The following TNR variants were observed in gnomAD, a reference collection of about 807,000 sequenced individuals.
TNR encodes the protein tenascin R.
A neutral mutation model predicts 150.4 loss-of-function variants in TNR; 45 were observed. The observed-to-expected ratio is 0.30, with a 90% confidence interval of 0.24 to 0.38. TNR has a LOEUF of 0.38. Ranked by LOEUF, TNR falls within the 10% of genes least tolerant of loss-of-function variation. The probability of loss-of-function intolerance (pLI) is 1.00; values close to 1 mark genes in which losing one functional copy is unlikely to be tolerated. For missense variants in TNR, 1,544 were observed against 1,759.1 expected, an observed-to-expected ratio of 0.88 and a Z score of 2.19; for synonymous variants, 687 against 678.4, an observed-to-expected ratio of 1.01 and a Z score of -0.20.
Position 175,426,114 on chromosome 1 carries a change from G to C in TNR, c.-63-19337C>G, listed in dbSNP as rs914693920. Among the ~76,000 whole-genome samples, 16 of 152,304 alleles carry C rather than the reference G, an allele frequency of 1.1e-4. No homozygotes were observed. In the Middle Eastern group the frequency reaches 0.01, roughly 97 times the overall value. On this transcript the variant is annotated intron_variant, in intron 2 of 22. Transcript: ENST00000367674. Reference sequence around the variant, plus strand: ...GGTCAGGGAGACTCAGCCTCCAAGAGAGCGCAGCGTCTGTATTCTTCTAAT... The same window carrying C: ...GGTCAGGGAGACTCAGCCTCCAAGACAGCGCAGCGTCTGTATTCTTCTAAT...
At chr1:175,465,904 G>T (rs564625210) in intron 2 of TNR, among the ~76,000 whole-genome samples, 2 of 152,356 alleles carry the variant, frequency 1.3e-5, no homozygotes, top group South Asian at 4.1e-4. Context: ...TCCCACAGTG[G>T]TGTGGAGTAG....
In TNR at chr1:175,631,446, G is replaced by T. The variant is rs183486252; in HGVS notation, c.-164-103077C>A. Among the ~76,000 whole-genome samples the T allele has an allele frequency of 2.8e-4, 43 of 152,266 alleles. No homozygotes were observed. The East Asian group carries it at 4.6e-3, about 16-fold the overall frequency. On this transcript the variant is annotated intron_variant, in intron 1 of 22. Transcript: ENST00000367674. ...TTTGAATGCAGTCCAACCCAAATTT[G>T]TAAACTTTCTTGAAACATTATGAGA...
rs1553203472 is a variant in TNR at position 175,331,078 on chromosome 1, C to CTTCTCTTTCTTTCT, written c.3632-844_3632-843insAGAAAGAAAGAGAA. On this transcript the variant is annotated intron_variant, in intron 20 of 22. Coordinates refer to ENST00000367674, the MANE Select transcript of TNR (RefSeq NM_003285.3). The stretch of plus-strand genomic sequence containing the variant: ...CTTTCTTTCTTTCTTTCTTTCTTTC[C>CTTCTCTTTCTTTCT]TTCTTTCTTTCTTTCTTTCTTTCTC... Among the ~76,000 whole-genome samples, 20 of 59,948 alleles carry CTTCTCTTTCTTTCT rather than the reference C, an allele frequency of 3.3e-4. 1 individual carries two copies. In the East Asian group the frequency reaches 7.0e-3, roughly 21 times the overall value. 39.3% of individuals were successfully genotyped at this position (59,948 alleles called of 152,430 possible).
intron 2 of TNR, among the ~76,000 whole-genome samples, chr1:175,421,232 T>G (rs1299707369): frequency 6.6e-6 from 1 of 152,182 alleles, no homozygotes; most frequent in Non-Finnish European, 1.5e-5. Context: ...TCAACAATTC[T>G]CCTTCTCCAG....
At chr1:175,426,762 G>A (rs973216280) in intron 2 of TNR, among the ~76,000 whole-genome samples, 9 of 133,964 alleles carry the variant, frequency 6.7e-5, no homozygotes, top group Non-Finnish European at 9.6e-5. Flanking sequence ...ACACGCGTGT[G>A]TGTGTATAAA....
At chr1:175,438,578 G>A (rs972417639) in intron 2 of TNR, among the ~76,000 whole-genome samples, 2 of 152,114 alleles carry the variant, frequency 1.3e-5, no homozygotes, top group Non-Finnish European at 1.5e-5. Context: ...AGGAAAAGAG[G>A]AAGTCAAATT....
intron 9 of TNR, among the ~76,000 whole-genome samples, chr1:175,373,200 A>G (rs927024726): frequency 3.9e-5 from 6 of 152,162 alleles, no homozygotes; most frequent in African/African-American, 1.4e-4. Flanking sequence ...AGGGCATCCC[A>G]GACAAAGGAA....
chr1:175,508,420 C>T (rs1316285837), intron 2 of TNR, among the ~76,000 whole-genome samples: 1 of 152,168 alleles, frequency 6.6e-6, no homozygotes, highest in Non-Finnish European at 1.5e-5. Context: ...TAATTCCCTT[C>T]CCTGGAGTGG....
At chr1:175,403,090 A>G (rs1653787211) in intron 4 of TNR, 50 bp downstream of exon 4, 2 of 1,483,332 alleles carry the variant, frequency 1.3e-6, no homozygotes, top group South Asian at 2.4e-5. Context: ...GCATCCAGCT[A>G]GTTTGCTGGA....
intron 1 of TNR, among the ~76,000 whole-genome samples, chr1:175,692,696 G>A (rs1250202214): frequency 6.6e-6 from 1 of 152,130 alleles, no homozygotes; most frequent in Non-Finnish European, 1.5e-5. Flanking sequence ...GGAGAGGAGA[G>A]GAAGGTCTCA....
Position 175,413,315 on chromosome 1 carries a change from C to T in TNR, c.-63-6538G>A, listed in dbSNP as rs951132377. Among the ~76,000 whole-genome samples, 11 of 152,340 alleles carry T rather than the reference C, an allele frequency of 7.2e-5. No individual in the cohort carries two copies. The South Asian group carries it at 1.0e-3, about 14-fold the overall frequency. ...TGTTGGGATTACAGGCATGAGCCAC[C>T]GCGCTCAGCCTCTTTGGCACTTTTT... On this transcript the variant is annotated intron_variant, in intron 2 of 22. Coordinates refer to ENST00000367674, the MANE Select transcript of TNR (RefSeq NM_003285.3).
chr1:175,493,202 C>A (rs1202795372), intron 2 of TNR, among the ~76,000 whole-genome samples: 7 of 152,004 alleles, frequency 4.6e-5, no homozygotes, highest in Non-Finnish European at 1.0e-4. Context: ...AGAAAAAGGG[C>A]TGGTAGAAAC....
chr1:175,541,169 A>G (rs1294162846), intron 1 of TNR, among the ~76,000 whole-genome samples: 1 of 151,654 alleles, frequency 6.6e-6, no homozygotes, highest in Non-Finnish European at 1.5e-5. Context: ...CATTCCCTCC[A>G]CCTCCCCTCC....
intron 1 of TNR, among the ~76,000 whole-genome samples, chr1:175,630,446 T>C (rs771430236): frequency 6.6e-6 from 1 of 152,214 alleles, no homozygotes; most frequent in Non-Finnish European, 1.5e-5. Context: ...TCACAATTGA[T>C]TAAGCAGCCG....
chr1:175,507,291 G>C (rs1251897563), intron 2 of TNR, among the ~76,000 whole-genome samples: 1 of 152,120 alleles, frequency 6.6e-6, no homozygotes, highest in Non-Finnish European at 1.5e-5. Flanking sequence ...TGGGAATCCT[G>C]ATTTCAAGGA....
At chr1:175,493,340 G>A (rs1428338835) in intron 2 of TNR, among the ~76,000 whole-genome samples, 1 of 152,226 alleles carries the variant, frequency 6.6e-6, no homozygotes, top group Non-Finnish European at 1.5e-5. Context: ...GGAAGTTTTA[G>A]AAGAAATGCT....
intron 2 of TNR, among the ~76,000 whole-genome samples, chr1:175,416,288 C>T (rs1213192238): frequency 6.6e-6 from 1 of 152,160 alleles, no homozygotes; most frequent in Non-Finnish European, 1.5e-5. Context: ...GCCCAAGACA[C>T]ACAGTAAGTT....
intron 5 of TNR, 114 bp from the exon 6 acceptor site, chr1:175,394,009 G>C: frequency 1.2e-6 from 1 of 813,290 alleles, no homozygotes; most frequent in Non-Finnish European, 2.0e-6. Flanking sequence ...GTGGTGTCTG[G>C]TGGACAATCC....
intron 1 of TNR, among the ~76,000 whole-genome samples, chr1:175,719,417 T>C (rs1667241528): frequency 6.6e-6 from 1 of 151,916 alleles, no homozygotes; most frequent in African/African-American, 2.4e-5. Context: ...GCCATCAGAG[T>C]CTTGACTGCA....
Sources: gnomAD v4.1 joint callset for allele counts (sites outside exome capture counted in the v4.1 genomes callset) on GRCh38, gnomAD v4.1.1 for gene constraint, MANE v1.5 for transcripts, NCBI Gene and HGNC (gene_info 2026-07-23, HGNC 2026-07-21) for gene names.